Variants in TPD52L1 observed in about 807,000 individuals in gnomAD.
TPD52L1 encodes TPD52 like 1.
TPD52L1 carries 18 observed loss-of-function variants against 28.7 expected under a neutral mutation model. The observed-to-expected ratio is 0.63, with a 90% CI of 0.43 to 0.93. The LOEUF is 0.93. Ranked by LOEUF, TPD52L1 falls within the 40% of genes least tolerant of loss-of-function variation. The pLI is 0.00. For synonymous variants in TPD52L1, 75 were observed against 88.8 expected, an observed-to-expected ratio of 0.84 and a Z score of 0.88; for missense variants, 203 against 254.8, an observed-to-expected ratio of 0.80 and a Z score of 1.39.
At position 125,153,890 on chromosome 6, in the gene TPD52L1, C is replaced by T; in HGVS notation, c.-62C>T. 1 of 1,557,746 alleles carries T rather than the reference C, an allele frequency of 6.4e-7. No homozygotes were observed. On this transcript the variant is annotated 5_prime_UTR_variant, in exon 1 of 7. Transcript: ENST00000534000. The stretch of plus-strand genomic sequence containing the variant: ...AGCTGCGTTCTGAGCCTGGGCGCAG[C>T]TGCCATCTGCTCTGGGAAGCACCAG...
At position 125,253,652 on chromosome 6, in the gene TPD52L1, T is replaced by TC. The variant is rs1797411436; in HGVS notation, c.387-64dup. On this transcript the variant is annotated intron_variant, in intron 4 of 6. Coordinates refer to ENST00000534000, the MANE Select transcript of TPD52L1 (RefSeq NM_003287.4). ...TTTAGAACTACGAATAGGGAGTTTT[T>TC]CATGTACTTATGTGTGCTCTCTTCT... The TC allele has an allele frequency of 2.1e-6, 3 of 1,429,722 alleles. No individual in the cohort carries two copies. In the South Asian group the frequency reaches 3.6e-5, roughly 17 times the overall value. 88.6% of individuals were successfully genotyped at this position (1,429,722 alleles called of 1,614,324 possible).
chr6:125,191,409 T>A (rs73573618), intron 1 of TPD52L1, among the ~76,000 whole-genome samples: 2,661 of 152,324 alleles, frequency 0.017, 88 homozygotes, highest in African/African-American at 0.059. Context: ...CCAGCTCCCA[T>A]CAAAATATGG....
intron 4 of TPD52L1, chr6:125,252,778 A>T (rs1432395582): frequency 6.6e-6 from 1 of 152,186 alleles, no homozygotes; most frequent in East Asian, 1.9e-4. Context: ...CTAGGGTAAG[A>T]CCGTAAGTAT....
chr6:125,261,050 AAAGGGGAAGGGG>A (rs1412155732), intron 6 of TPD52L1: 1 of 148,978 alleles, frequency 6.7e-6, no homozygotes, highest in Non-Finnish European at 1.5e-5. Context: ...GAAAGAAAGA[AAAGGGGAAGGGG>A]AAGGGGAAGG....
chr6:125,223,180 GCT>G (rs1267100172), intron 2 of TPD52L1, among the ~76,000 whole-genome samples: 1 of 152,052 alleles, frequency 6.6e-6, no homozygotes, highest in African/African-American at 2.4e-5. Flanking sequence ...CTTCCTCCCA[GCT>G]CTCTTTCTCT....
chr6:125,189,441 G>C (rs936970146), intron 1 of TPD52L1, among the ~76,000 whole-genome samples: 1 of 152,132 alleles, frequency 6.6e-6, no homozygotes, highest in Non-Finnish European at 1.5e-5. Context: ...CTGGATTTGG[G>C]AGCAAAGAAT....
At chr6:125,226,668 A>C (rs925686206) in intron 2 of TPD52L1, among the ~76,000 whole-genome samples, 47 of 145,832 alleles carry the variant, frequency 3.2e-4, no homozygotes, top group Admixed American at 5.6e-4. Flanking sequence ...ATATACCCCC[A>C]CCCCCGCCGA....
intron 1 of TPD52L1, among the ~76,000 whole-genome samples, chr6:125,182,374 G>A (rs1562235328): frequency 2.0e-5 from 3 of 152,140 alleles, no homozygotes; most frequent in African/African-American, 7.2e-5. Flanking sequence ...ATCGTGAGCT[G>A]GAGTCGTGAG....
At chr6:125,213,819 TG>T (rs1337462594) in intron 1 of TPD52L1, among the ~76,000 whole-genome samples, 1 of 152,006 alleles carries the variant, frequency 6.6e-6, no homozygotes, top group South Asian at 2.1e-4. Flanking sequence ...AAAAGGAAAT[TG>T]GGGCAGGCTT....
intron 1 of TPD52L1, among the ~76,000 whole-genome samples, chr6:125,178,646 A>AT (rs1380737397): frequency 3.4e-5 from 5 of 146,450 alleles, no homozygotes; most frequent in African/African-American, 1.0e-4. Flanking sequence ...AAAACAAAAC[A>AT]AAACAAAACA....
intron 3 of TPD52L1, 113 bp from the exon 4 acceptor site, chr6:125,248,169 T>G (rs1462496486): frequency 1.2e-6 from 1 of 852,896 alleles, no homozygotes. Context: ...TTGTGGATCT[T>G]CTTCCTAAAT....
rs73771280 is a variant in TPD52L1 at position 125,219,391 on chromosome 6, G to T, written c.20-687G>T. ...TATTTTCCTCTGCCAGAGTCAGTTT[G>T]TCAGTGATGATTCCTCACAGCTCCA... On this transcript the variant is annotated intron_variant, in intron 1 of 6. Transcript: ENST00000534000. 8.7e-3 allele frequency among the ~76,000 whole-genome samples: 1,322 copies of T among 152,316 alleles called. 24 individuals carry two copies. Among genetic ancestry groups the T allele is most frequent in the African/African-American group, 0.03 (1,263 of 41,580 alleles).
intron 1 of TPD52L1, among the ~76,000 whole-genome samples, chr6:125,174,862 T>A (rs1245025943): frequency 6.6e-6 from 1 of 152,162 alleles, no homozygotes; most frequent in Non-Finnish European, 1.5e-5. Context: ...GTGCATGTCC[T>A]CCATGGCAGG....
intron 3 of TPD52L1, among the ~76,000 whole-genome samples, chr6:125,238,680 C>A (rs1016122832): frequency 1.3e-5 from 2 of 152,166 alleles, no homozygotes; most frequent in Non-Finnish European, 2.9e-5. Context: ...ATTTCATTCT[C>A]TTTTATGGCT....
chr6:125,190,186 C>T (rs1357425451), intron 1 of TPD52L1, among the ~76,000 whole-genome samples: 1 of 152,078 alleles, frequency 6.6e-6, no homozygotes, highest in Non-Finnish European at 1.5e-5. Flanking sequence ...GAATTTCTAC[C>T]AGCTGTGACT....
intron 3 of TPD52L1, among the ~76,000 whole-genome samples, chr6:125,243,910 C>T (rs898588210): frequency 6.6e-6 from 1 of 152,096 alleles, no homozygotes; most frequent in Non-Finnish European, 1.5e-5. Flanking sequence ...CTGGTTTCTT[C>T]TCATTTGGGT....
At chr6:125,255,162 C>T (rs1422088621) in intron 5 of TPD52L1, among the ~76,000 whole-genome samples, 1 of 152,026 alleles carries the variant, frequency 6.6e-6, no homozygotes, top group African/African-American at 2.4e-5. Flanking sequence ...ATGGTTTTCC[C>T]CTGTGAACCA....
chr6:125,183,224 T>A (rs1792335681), intron 1 of TPD52L1, among the ~76,000 whole-genome samples: 1 of 152,094 alleles, frequency 6.6e-6, no homozygotes, highest in Non-Finnish European at 1.5e-5. Flanking sequence ...ACACCTATAA[T>A]CCCAGCATTT....
chr6:125,219,732 T>C, intron 1 of TPD52L1: 1 of 336,880 alleles, frequency 3.0e-6, no homozygotes, highest in Non-Finnish European at 5.8e-6. Flanking sequence ...CCCCTCTCCA[T>C]GGGCGGGCCT....
Sources: gnomAD v4.1 joint callset for allele counts (sites outside exome capture counted in the v4.1 genomes callset) on GRCh38, gnomAD v4.1.1 for gene constraint, MANE v1.5 for transcripts, NCBI Gene and HGNC (gene_info 2026-07-23, HGNC 2026-07-21) for gene names.